VGLL2: variants seen among roughly 807,000 people sequenced by gnomAD.
VGLL2 encodes the protein vestigial like family member 2.
A neutral mutation model predicts 27.0 loss-of-function variants in VGLL2; 18 were observed. The ratio of observed to expected loss-of-function variants is 0.67; its 90% CI spans 0.46 to 0.99. VGLL2 has a LOEUF of 0.99. Among genes scored for constraint, VGLL2 ranks in the 50% least tolerant of loss-of-function variants. VGLL2 has a pLI of 0.00. For synonymous variants in VGLL2, 220 were observed against 201.1 expected (o/e 1.09, Z -0.80); for missense variants, 491 against 452.3 (o/e 1.09, Z -0.78).
In VGLL2 at chr6:117,270,823, C is replaced by T. The variant is rs1357013159; in HGVS notation, c.672C>T (p.Pro224=). The change falls in exon 3 of 4, where the codon CCC becomes CCT. Residue 224 remains proline, a synonymous_variant. Transcript: ENST00000326274. The stretch of plus-strand genomic sequence containing the variant: ...CCCAGGCCGCCCCCTACCCGCGCCC[C>T]GCCGCCGTGCACGAAGTCTACGCGC... ...LGAQAAPYPR[P]AAVHEVYAPH... 2.8e-6 allele frequency: 4 copies of T among 1,431,500 alleles called. No homozygotes were observed. Among genetic ancestry groups the T allele is most frequent in the Admixed American group, 2.6e-5 (1 of 38,470 alleles). 88.7% of individuals were successfully genotyped at this position (1,431,500 alleles called of 1,614,324 possible).
At position 117,270,705 on chromosome 6, in the gene VGLL2, A is replaced by T; in HGVS notation, c.554A>T (p.His185Leu). ...DPYSPAALHG[H>L]LHQGATEPWH... is the part of the protein sequence containing the mutation. ...TACTCGCCCGCCGCGCTGCATGGCC[A>T]CCTGCACCAGGGCGCCACGGAGCCC... The change falls in exon 3 of 4, where the codon CAC becomes CTC. Residue 185 changes from histidine (H) to leucine (L), a missense_variant. Transcript: ENST00000326274. 1.3e-6 allele frequency: 2 copies of T among 1,533,832 alleles called. No homozygotes were observed. The highest frequency in any genetic ancestry group is 2.9e-5 in the African/African-American group (2 of 70,062).
Position 117,268,414 on chromosome 6 carries a change from G to A in VGLL2, c.314G>A (p.Arg105Lys), listed in dbSNP as rs1168839653. ...TCCGTGGTGGATGAACATTTCAGCA[G>A]GGCCCTGAGCCAACCCAGCAGCTAC... ...ISSVVDEHFS[R>K]ALSQPSSYSP... The change falls in exon 2 of 4, where the codon AGG becomes AAG. Residue 105 changes from arginine (R) to lysine (K), a missense_variant. Physicochemically the swap from Arg to Lys is conservative, Grantham distance 26. Transcript: ENST00000326274. The A allele has an allele frequency of 1.2e-6, 2 of 1,613,942 alleles. No homozygotes were observed. Among genetic ancestry groups the A allele is most frequent in the Admixed American group, 1.7e-5 (1 of 60,006 alleles).
chr6:117,270,793 C>T lies in VGLL2; in HGVS notation c.642C>T (p.Leu214=). The change falls in exon 3 of 4, where the codon CTC becomes CTT. Residue 214 remains leucine (L), a synonymous_variant. Transcript: ENST00000326274. ...PHHPYALGGA[L]GAQAAPYPRP... ...ACCCCTACGCCCTGGGCGGCGCCCTCGGCGCCCAGGCCGCCCCCTACCCGC... is the reference window on the plus strand; with the variant it reads ...ACCCCTACGCCCTGGGCGGCGCCCTTGGCGCCCAGGCCGCCCCCTACCCGC... 5.5e-6 allele frequency: 8 copies of T among 1,443,734 alleles called. No individual in the cohort carries two copies. The highest frequency in any genetic ancestry group is 5.3e-5 in the South Asian group (4 of 74,806). 89.4% of individuals were successfully genotyped at this position (1,443,734 alleles called of 1,614,324 possible).
chr6:117,272,361 C>T, intron 3 of VGLL2, 93 bp from the exon 4 acceptor site: 2 of 1,610,398 alleles, frequency 1.2e-6, no homozygotes, highest in Middle Eastern at 1.7e-4. Flanking sequence ...AGACCGCCCA[C>T]CTTCTTCCCT....
rs1053486546 is a variant in VGLL2, at chr6:117,265,678, T to G, written c.-86T>G. 36 of 1,197,186 alleles carry G rather than the reference T, an allele frequency of 3.0e-5. No homozygotes were observed. In the African/African-American group the frequency reaches 5.1e-4, roughly 17 times the overall value. 74.2% of individuals were successfully genotyped at this position (1,197,186 alleles called of 1,614,324 possible). On this transcript the variant is annotated 5_prime_UTR_variant, in exon 1 of 4. Transcript: ENST00000326274. Reference sequence around the variant, plus strand: ...CCGCCTGATGACTCCAGAGCGCGGGTCCAAGCGCCGCCCATGCAGCACCCC... The same window carrying G: ...CCGCCTGATGACTCCAGAGCGCGGGGCCAAGCGCCGCCCATGCAGCACCCC...
chr6:117,268,837 G>A (rs2128516784), intron 2 of VGLL2, among the ~76,000 whole-genome samples: 1 of 152,220 alleles, frequency 6.6e-6, no homozygotes, highest in Admixed American at 6.5e-5. Context: ...CCCAGAGAAG[G>A]CTGTAAGACT....
chr6:117,271,300 AATAATAATAATAATAATAATAATG>A (rs989995617), intron 3 of VGLL2, among the ~76,000 whole-genome samples: 3 of 134,774 alleles, frequency 2.2e-5, no homozygotes, highest in Admixed American at 7.7e-5. Flanking sequence ...CTTTTAAAAT[AATAATAATAATAATAATAATAATG>A]ATAATAATAA....
At position 117,265,696 on chromosome 6, in the gene VGLL2, A is replaced by G; in HGVS notation, c.-68A>G. On this transcript the variant is annotated 5_prime_UTR_variant, in exon 1 of 4. Transcript: ENST00000326274. The stretch of plus-strand genomic sequence containing the variant: ...GCGCGGGTCCAAGCGCCGCCCATGC[A>G]GCACCCCTGAGCTCCGGGGAAGGAG... 2.1e-6 allele frequency: 3 copies of G among 1,397,700 alleles called. No homozygotes were observed. The highest frequency in any genetic ancestry group is 2.3e-5 in the East Asian group (1 of 43,520). 86.6% of individuals were successfully genotyped at this position (1,397,700 alleles called of 1,614,324 possible). A position where few individuals can be genotyped will look rare whatever the true frequency, so the allele number is the denominator to read the frequency against.
chr6:117,268,539 C>A (rs763373489), intron 2 of VGLL2, 48 bp downstream of exon 2: 3 of 1,498,838 alleles, frequency 2.0e-6, no homozygotes, highest in Non-Finnish European at 1.8e-6. Context: ...GTCCTCTCAG[C>A]CTGGGGTTCA....
chr6:117,265,639 G>C lies in VGLL2; in HGVS notation c.-125G>C. The C allele has an allele frequency of 5.2e-6, 4 of 769,432 alleles. No individual in the cohort carries two copies. The South Asian group carries it at 6.4e-5, about 12-fold the overall frequency. The allele number at this position is 769,432 out of a possible 1,614,324, so 47.7% of individuals were successfully genotyped here. On this transcript the variant is annotated 5_prime_UTR_variant, in exon 1 of 4. Coordinates refer to ENST00000326274, the MANE Select transcript of VGLL2 (RefSeq NM_182645.3). ...CCAGCTGGATTCCGAGCCGCGGAGC[G>C]CGCTGGCTTTGCTCCGCCTGATGAC...
At chr6:117,269,561 A>T (rs1773139078) in intron 2 of VGLL2, among the ~76,000 whole-genome samples, 1 of 152,036 alleles carries the variant, frequency 6.6e-6, no homozygotes, top group Admixed American at 6.5e-5. Flanking sequence ...TAACAGGAAG[A>T]CTCTTCACCA....
At chr6:117,270,172 G>A (rs542168281) in intron 2 of VGLL2, among the ~76,000 whole-genome samples, 1 of 152,120 alleles carries the variant, frequency 6.6e-6, no homozygotes, top group South Asian at 2.1e-4. Flanking sequence ...CTGAGTCGCG[G>A]GAAGCTCCTT....
intron 3 of VGLL2, among the ~76,000 whole-genome samples, chr6:117,271,719 T>C (rs539887310): frequency 6.6e-6 from 1 of 152,330 alleles, no homozygotes; most frequent in South Asian, 2.1e-4. Context: ...TAAAATCTTC[T>C]GTGGCTTGGG....
Position 117,270,759 on chromosome 6 carries a change from A to C in VGLL2, c.608A>C (p.His203Pro), listed in dbSNP as rs959058897. ...CACCACGCGCACCCGCACCACGCGC[A>C]CCCGCATCACCCCTACGCCCTGGGC... ...PWHHAHPHHA[H>P]PHHPYALGGA... Residue 203 changes from histidine to proline, a missense_variant, in exon 3 of 4, where the codon CAC (histidine) becomes CCC (proline). Transcript: ENST00000326274. 8.7e-6 allele frequency: 13 copies of C among 1,499,962 alleles called. No individual in the cohort carries two copies. Among genetic ancestry groups the C allele is most frequent in the Non-Finnish European group, 1.1e-5 (12 of 1,134,078 alleles). 92.9% of individuals were successfully genotyped at this position (1,499,962 alleles called of 1,614,324 possible). A position where few individuals can be genotyped will look rare whatever the true frequency, so the allele number is the denominator to read the frequency against.
Position 117,270,533 on chromosome 6 carries a change from C to A in VGLL2, c.392-10C>A. ...CTTTCCTCCACTCCGCCTCCCCGGC[C>A]GGCCTACAGACTGCTCCTTCCCGAT... On this transcript the variant is annotated splice_polypyrimidine_tract_variant and intron_variant, in intron 2 of 3. Transcript: ENST00000326274. 6.3e-7 allele frequency: 1 copy of A among 1,583,214 alleles called. No individual in the cohort carries two copies. The highest frequency in any genetic ancestry group is 8.6e-7 in the Non-Finnish European group (1 of 1,166,398).
intron 3 of VGLL2, among the ~76,000 whole-genome samples, chr6:117,271,584 AG>A (rs1773202937): frequency 1.3e-5 from 2 of 152,296 alleles, no homozygotes; most frequent in South Asian, 2.1e-4. Flanking sequence ...GATTATAAAA[AG>A]TTTCATGTTT....
At chr6:117,270,121 T>C (rs953163200) in intron 2 of VGLL2, among the ~76,000 whole-genome samples, 1 of 151,972 alleles carries the variant, frequency 6.6e-6, no homozygotes, top group Non-Finnish European at 1.5e-5. Flanking sequence ...TATCGTTAGC[T>C]TGGGGAGAGG....
chr6:117,268,110 A>T, intron 1 of VGLL2, 72 bp from the exon 2 acceptor site: 2 of 1,444,170 alleles, frequency 1.4e-6, no homozygotes, highest in Admixed American at 1.9e-5. Flanking sequence ...GATTAGGATG[A>T]GGGAATCAGT....
Position 117,268,204 on chromosome 6 carries a change from T to C in VGLL2, c.104T>C (p.Met35Thr), listed in dbSNP as rs776456454. 9 of 1,613,824 alleles carry C rather than the reference T, an allele frequency of 5.6e-6. No individual in the cohort carries two copies. Residue 35 changes from methionine (M) to threonine (T), a missense_variant, in exon 2 of 4, where the codon ATG (methionine) becomes ACG (threonine). Met to Thr is a moderately conservative substitution (Grantham distance 81). Transcript: ENST00000326274. Reference sequence around the variant, plus strand: ...CAGAAACTAGCCTATTATTCCAAAATGCAGGAAGCGCAGGAGTGCAATGCC... The same window carrying C: ...CAGAAACTAGCCTATTATTCCAAAACGCAGGAAGCGCAGGAGTGCAATGCC... ...YHQKLAYYSK[M>T]QEAQECNASP...
Sources: gnomAD v4.1 joint callset for allele counts (sites outside exome capture counted in the v4.1 genomes callset) on GRCh38, gnomAD v4.1.1 for gene constraint, MANE v1.5 for transcripts, NCBI Gene and HGNC (gene_info 2026-07-23, HGNC 2026-07-21) for gene names.